The following PUM1 variants were observed in gnomAD, a reference collection of about 807,000 sequenced individuals.
PUM1 encodes pumilio homolog 1.
In PUM1, 13 loss-of-function variants were observed where a neutral mutation model predicts 131.8. The observed-to-expected ratio is 0.10, with a 90% CI of 0.06 to 0.16. PUM1 has a LOEUF of 0.16. Ranked by LOEUF, PUM1 falls within the 10% of genes least tolerant of loss-of-function variation. The pLI is 1.00. For synonymous variants in PUM1, 509 were observed against 556.5 expected (o/e 0.91, Z 1.20); for missense variants, 961 against 1,512.4 (o/e 0.64, Z 6.05).
In PUM1 at chr1:30,995,351, CTAAT is replaced by C. The variant is rs1022706676; in HGVS notation, c.721-135_721-132del. ...GTTGTGCCCTTTCACACATTACAAT[CTAAT>C]TAACAAACAACACAGAGGCAGGAAC... On this transcript the variant is annotated intron_variant, in intron 5 of 21. Transcript: ENST00000426105. 17 of 969,496 alleles carry C rather than the reference CTAAT, an allele frequency of 1.8e-5. No individual in the cohort carries two copies. The African/African-American group carries it at 2.8e-4, about 16-fold the overall frequency. The allele number at this position is 969,496 out of a possible 1,614,324, so 60.1% of individuals were successfully genotyped here.
At chr1:31,035,707 C>T (rs930988119) in intron 2 of PUM1, among the ~76,000 whole-genome samples, 1 of 151,782 alleles carries the variant, frequency 6.6e-6, no homozygotes, top group Non-Finnish European at 1.5e-5. Context: ...ACCGAGATAG[C>T]GCCACTGCAC....
chr1:30,988,455 C>T (rs1641651730), intron 7 of PUM1, among the ~76,000 whole-genome samples: 1 of 152,178 alleles, frequency 6.6e-6, no homozygotes, highest in Non-Finnish European at 1.5e-5. Context: ...TGTCAACCTC[C>T]AAACCAGATT....
At chr1:30,959,492 C>T (rs1029062400) in intron 14 of PUM1, among the ~76,000 whole-genome samples, 4 of 152,002 alleles carry the variant, frequency 2.6e-5, no homozygotes, top group African/African-American at 9.7e-5. Flanking sequence ...AGATAAAAGC[C>T]ACATGATGGT....
At chr1:31,057,261 G>C (rs1644261731) in intron 2 of PUM1, among the ~76,000 whole-genome samples, 1 of 151,960 alleles carries the variant, frequency 6.6e-6, no homozygotes, top group East Asian at 1.9e-4. Flanking sequence ...AAAGTAGCCG[G>C]GTGTAGTGTT....
intron 8 of PUM1, 116 bp downstream of exon 8, chr1:30,981,196 T>C: frequency 3.4e-6 from 2 of 582,302 alleles, no homozygotes; most frequent in Non-Finnish European, 5.8e-6. Flanking sequence ...TTACTCTGTC[T>C]GAGGGATTTG....
intron 10 of PUM1, among the ~76,000 whole-genome samples, chr1:30,970,159 T>C (rs915575760): frequency 6.6e-6 from 1 of 152,324 alleles, no homozygotes; most frequent in South Asian, 2.1e-4. Context: ...ACAGTTCTTA[T>C]CAGATCACTT....
At chr1:30,968,592 T>C in intron 10 of PUM1, 100 bp from the exon 11 acceptor site, 2 of 1,280,800 alleles carry the variant, frequency 1.6e-6, no homozygotes, top group Non-Finnish European at 2.1e-6. Context: ...TAATTGTAAA[T>C]TGTTTCCCTA....
In PUM1 at chr1:31,005,814, A is replaced by G. The variant is rs774249601; in HGVS notation, c.720+39T>C. On this transcript the variant is annotated intron_variant, in intron 5 of 21. Coordinates refer to ENST00000426105, the MANE Select transcript of PUM1 (RefSeq NM_001020658.2). ...AAAAGAGAGAGAGAGAGAGAGAGAG[A>G]GAGAGAGAGATAGGAACAAGTTCCT... 12 of 1,535,634 alleles carry G rather than the reference A, an allele frequency of 7.8e-6. No individual in the cohort carries two copies. The Admixed American group carries it at 1.5e-4, about 19-fold the overall frequency.
intron 5 of PUM1, 34 bp downstream of exon 5, chr1:31,005,814 AGAGAG>A (rs766274099): frequency 1.2e-4 from 182 of 1,535,634 alleles, no homozygotes; most frequent in Non-Finnish European, 1.6e-4. Context: ...AGAGAGAGAG[AGAGAG>A]AGAGATAGGA....
chr1:31,065,020 GCCACAGCAAC>G (rs950800944), intron 1 of PUM1, among the ~76,000 whole-genome samples: 2 of 152,030 alleles, frequency 1.3e-5, no homozygotes, highest in Non-Finnish European at 2.9e-5. Context: ...GAAACAAAAG[GCCACAGCAAC>G]CCAGGAGCCT....
intron 3 of PUM1, among the ~76,000 whole-genome samples, chr1:31,007,347 G>C (rs1321701792): frequency 2.0e-5 from 3 of 152,228 alleles, no homozygotes; most frequent in South Asian, 2.1e-4. Flanking sequence ...AATAGAGGCT[G>C]AACTTAAATA....
At chr1:31,034,815 G>C (rs1643549672) in intron 2 of PUM1, among the ~76,000 whole-genome samples, 1 of 152,060 alleles carries the variant, frequency 6.6e-6, no homozygotes, top group African/African-American at 2.4e-5. Context: ...TTTGCATACA[G>C]AAACCTAGAT....
chr1:30,966,613 C>G (rs1640629379), intron 12 of PUM1, among the ~76,000 whole-genome samples: 1 of 152,188 alleles, frequency 6.6e-6, no homozygotes, highest in Non-Finnish European at 1.5e-5. Flanking sequence ...AGGGTTTCTT[C>G]TAGAACCATG....
chr1:30,938,714 A>C (rs1026637988), intron 20 of PUM1, among the ~76,000 whole-genome samples: 2 of 152,120 alleles, frequency 1.3e-5, no homozygotes, highest in Non-Finnish European at 2.9e-5. Flanking sequence ...AATACAAAAA[A>C]ATTAGCCGGG....
intron 3 of PUM1, among the ~76,000 whole-genome samples, chr1:31,011,834 G>C (rs996115918): frequency 6.6e-6 from 1 of 152,178 alleles, no homozygotes; most frequent in African/African-American, 2.4e-5. Context: ...GAGAGATGTA[G>C]AGTTTGTTTT....
chr1:30,934,852 CAT>C (rs540542224), intron 21 of PUM1, among the ~76,000 whole-genome samples: 65 of 152,320 alleles, frequency 4.3e-4, no homozygotes, highest in Non-Finnish European at 7.1e-4. Flanking sequence ...CACACACACA[CAT>C]GTTGAACTCC....
rs772105156 is a variant in PUM1 at position 30,966,015 on chromosome 1, G to A, written c.2053C>T (p.Leu685=). The change falls in exon 13 of 22, where the codon CTG becomes TTG. Residue 685 remains leucine (L), a synonymous_variant. Transcript: ENST00000426105. ...FGSSSSLGAT[L]GSALGGFGTA... Reference sequence around the variant, plus strand: ...CCAAACCCTCCAAGGGCGGATCCCAGGGTGGCGCCGAGAGAACTGCTACTT... The same window carrying A: ...CCAAACCCTCCAAGGGCGGATCCCAAGGTGGCGCCGAGAGAACTGCTACTT... 11 of 1,613,998 alleles carry A rather than the reference G, an allele frequency of 6.8e-6. No individual in the cohort carries two copies. The highest frequency in any genetic ancestry group is 9.3e-6 in the Non-Finnish European group (11 of 1,179,998).
At chr1:31,044,065 A>G (rs949674509) in intron 2 of PUM1, among the ~76,000 whole-genome samples, 1 of 152,212 alleles carries the variant, frequency 6.6e-6, no homozygotes, top group African/African-American at 2.4e-5. Context: ...TGATAAATGG[A>G]TAAATTAAAT....
intron 15 of PUM1, among the ~76,000 whole-genome samples, chr1:30,953,003 C>CAAAACA (rs1553145265): frequency 2.6e-5 from 4 of 151,302 alleles, no homozygotes; most frequent in African/African-American, 9.7e-5. Context: ...CAAAACAAAA[C>CAAAACA]AAAAAAACAA....
Sources: gnomAD v4.1 joint callset for allele counts (sites outside exome capture counted in the v4.1 genomes callset) on GRCh38, gnomAD v4.1.1 for gene constraint, MANE v1.5 for transcripts, NCBI Gene and HGNC (gene_info 2026-07-23, HGNC 2026-07-21) for gene names.